The following DCDC2B variants were observed in gnomAD, a reference collection of about 807,000 sequenced individuals.
DCDC2B encodes doublecortin domain containing 2B.
A neutral mutation model predicts 38.9 loss-of-function variants in DCDC2B; 41 were observed. That is an observed-to-expected ratio of 1.05 (90% CI 0.82 to 1.37). DCDC2B has a LOEUF of 1.37. Among genes scored for constraint, DCDC2B ranks in the 40% most tolerant of loss-of-function variants. The pLI is 0.00. For synonymous variants in DCDC2B, 181 were observed against 171.9 expected, an observed-to-expected ratio of 1.05 and a Z score of -0.41; for missense variants, 453 against 427.2, an observed-to-expected ratio of 1.06 and a Z score of -0.53.
chr1:32,211,429 TCCAGG>T lies in DCDC2B; in HGVS notation c.318+107_318+111del. ...CAGGGAAGCAGCAGGATCTGCCAGT[TCCAGG>T]GGGGTACTTTGGAGCCAGCTACTAT... On this transcript the variant is annotated intron_variant, in intron 2 of 8. Transcript: ENST00000409358. The T allele has an allele frequency of 4.3e-6, 5 of 1,153,202 alleles. No individual in the cohort carries two copies. The South Asian group carries it at 6.7e-5, about 15-fold the overall frequency. 71.4% of individuals were successfully genotyped at this position (1,153,202 alleles called of 1,614,324 possible). A position where few individuals can be genotyped will look rare whatever the true frequency, so the allele number is the denominator to read the frequency against.
In DCDC2B at chr1:32,212,661, TA is replaced by T. The variant is rs768420946; in HGVS notation, c.674+27del. 1.4e-5 allele frequency: 22 copies of T among 1,611,672 alleles called. No individual in the cohort carries two copies. The African/African-American group carries it at 3.0e-4, about 22-fold the overall frequency. On this transcript the variant is annotated intron_variant, in intron 5 of 8. Coordinates refer to ENST00000409358, the MANE Select transcript of DCDC2B (RefSeq NM_001099434.2). ...GGTATGTATGTGGGAGGTGGAGCGG[TA>T]ACAGGCCGGGCAGAGGAAGCCACCC...
intron 6 of DCDC2B, 27 bp downstream of exon 6, chr1:32,212,820 G>T: frequency 6.2e-7 from 1 of 1,612,088 alleles, no homozygotes; most frequent in Non-Finnish European, 8.5e-7. Context: ...ACAATGAGGG[G>T]TGGGAAGAAG....
intron 1 of DCDC2B, among the ~76,000 whole-genome samples, chr1:32,209,834 T>C (rs952560927): frequency 4.6e-5 from 7 of 152,168 alleles, no homozygotes; most frequent in African/African-American, 1.7e-4. Context: ...CTCTGACTCA[T>C]GTCTGGCTTC....
At chr1:32,211,920 C>T in intron 3 of DCDC2B, 83 bp downstream of exon 3, 2 of 1,542,532 alleles carry the variant, frequency 1.3e-6, no homozygotes, top group East Asian at 2.4e-5. Flanking sequence ...GTTCTAGGAG[C>T]CTCTGGTTAC....
chr1:32,211,323 A>C lies in DCDC2B; in HGVS notation c.318A>C (p.Gln106His). Residue 106 changes from glutamine (Q) to histidine (H), a missense_variant and splice_region_variant, in exon 2 of 9, where the codon CAA becomes CAC. Coordinates refer to ENST00000409358, the MANE Select transcript of DCDC2B (RefSeq NM_001099434.2). ...KDPGGKSCRL[Q>H]GPPVTRHLCD... ...CAGGTGGGAAGAGCTGCAGACTACA[A>C]GTGAGTCCCGGGGAACCTGTGCCCC... The C allele has an allele frequency of 2.5e-6, 4 of 1,613,798 alleles. No homozygotes were observed. The highest frequency in any genetic ancestry group is 3.4e-6 in the Non-Finnish European group (4 of 1,179,834).
At chr1:32,209,964 G>A (rs528017263) in intron 1 of DCDC2B, among the ~76,000 whole-genome samples, 16 of 152,292 alleles carry the variant, frequency 1.1e-4, no homozygotes, top group African/African-American at 3.1e-4. Context: ...AGGCCAAGGC[G>A]GGTGGATCAC....
At chr1:32,211,126 A>G (rs1643566654) in intron 1 of DCDC2B, 146 bp from the exon 2 acceptor site, 5 of 783,712 alleles carry the variant, frequency 6.4e-6, no homozygotes, top group Non-Finnish European at 1.1e-5. Context: ...TCAGCTGCCA[A>G]TATCTTGTTT....
chr1:32,213,753 GC>G (rs776126976), intron 6 of DCDC2B, among the ~76,000 whole-genome samples: 421 of 150,792 alleles, frequency 2.8e-3, no homozygotes, highest in Non-Finnish European at 4.9e-3. Flanking sequence ...CTCGTGATCA[GC>G]CCACCTCAGC....
intron 4 of DCDC2B, 53 bp downstream of exon 4, chr1:32,212,254 T>A: frequency 6.3e-7 from 1 of 1,594,702 alleles, no homozygotes; most frequent in Non-Finnish European, 8.6e-7. Context: ...GCCTCGCCAC[T>A]GGCTTCAGCT....
chr1:32,212,174 T>TCAAGTTG lies in DCDC2B; in HGVS notation c.503_509dup (p.Ser171ValfsTer36). On this transcript the variant is annotated frameshift_variant, in exon 4 of 9. Transcript: ENST00000409358. LOFTEE classifies it high-confidence loss of function. ...GTGTTGAAGCTCCTGACTGAGAAGGTCAAGTTGCAGAGTGGGGCTGTGTGC... is the reference window on the plus strand; with the variant it reads ...GTGTTGAAGCTCCTGACTGAGAAGGTCAAGTTGCAAGTTGCAGAGTGGGGCTGTGTGC... 6.2e-7 allele frequency: 1 copy of TCAAGTTG among 1,613,612 alleles called. No individual in the cohort carries two copies. Among genetic ancestry groups the TCAAGTTG allele is most frequent in the Admixed American group, 1.7e-5 (1 of 60,012 alleles).
In DCDC2B at chr1:32,211,289, G is replaced by A. The variant is rs892898819; in HGVS notation, c.284G>A (p.Gly95Glu). 3 of 1,613,912 alleles carry A rather than the reference G, an allele frequency of 1.9e-6. No individual in the cohort carries two copies. The highest frequency in any genetic ancestry group is 8.5e-7 in the Non-Finnish European group (1 of 1,179,876). ...FHKLHYLPHR[G>E]KDPGGKSCRL... ...CCTTTCAGCTATTTACCCCATAGAG[G>A]GAAGGACCCAGGTGGGAAGAGCTGC... The change falls in exon 2 of 9, where the codon GGG becomes GAG. Residue 95 changes from glycine (G) to glutamate (E), a missense_variant. By Grantham distance (98) the Gly-to-Glu change is moderately conservative (BLOSUM62 -2). Transcript: ENST00000409358.
intron 7 of DCDC2B, 77 bp downstream of exon 7, chr1:32,215,009 G>C (rs996595550): frequency 1.3e-6 from 2 of 1,573,286 alleles, no homozygotes; most frequent in African/African-American, 2.7e-5. Flanking sequence ...CTGTTGTTGG[G>C]GATGTCCATG....
intron 6 of DCDC2B, among the ~76,000 whole-genome samples, chr1:32,213,096 C>T (rs1203712448): frequency 6.6e-6 from 1 of 152,110 alleles, no homozygotes; most frequent in East Asian, 1.9e-4. Flanking sequence ...TGGGGTTTCA[C>T]CATGTTGGCC....
chr1:32,212,761 C>T lies in DCDC2B; in HGVS notation c.682C>T (p.Pro228Ser). ...PSLPRGCWQP[P>S]GSKSRPHRQG... ...TTCCTTTTGTCATTGTAGGCAACCT[C>T]CAGGCTCGAAGTCTAGGCCCCACAG... The change falls in exon 6 of 9, where the codon CCA becomes TCA. Residue 228 changes from proline to serine, a missense_variant. Pro to Ser is a moderately conservative substitution (Grantham distance 74). Transcript: ENST00000409358. 1.2e-6 allele frequency: 2 copies of T among 1,613,936 alleles called. No homozygotes were observed. Among genetic ancestry groups the T allele is most frequent in the African/African-American group, 1.3e-5 (1 of 75,044 alleles).
In DCDC2B at chr1:32,214,785, T is replaced by A; in HGVS notation, c.715-12T>A. On this transcript the variant is annotated splice_polypyrimidine_tract_variant and intron_variant, in intron 6 of 8. Coordinates refer to ENST00000409358, the MANE Select transcript of DCDC2B (RefSeq NM_001099434.2). The stretch of plus-strand genomic sequence containing the variant: ...CAGCAATCAGGGTCCAAGCCCAGTG[T>A]CCCTTCTCTAGGCCCAAGGCCACAG... The A allele has an allele frequency of 6.2e-7, 1 of 1,613,824 alleles. No homozygotes were observed. The highest frequency in any genetic ancestry group is 1.1e-5 in the South Asian group (1 of 91,078).
At position 32,216,042 on chromosome 1, in the gene DCDC2B, T is replaced by G; in HGVS notation, c.*145T>G. The G allele has an allele frequency of 2.6e-6, 2 of 776,666 alleles. No homozygotes were observed. Among genetic ancestry groups the G allele is most frequent in the Non-Finnish European group, 4.2e-6 (2 of 475,466 alleles). The allele number at this position is 776,666 out of a possible 1,614,324, so 48.1% of individuals were successfully genotyped here. ...GCCTCCTCAGCCCTCCCCGTTCTCC[T>G]GCTCCTAAACCCACAGCCCAGCCTT... On this transcript the variant is annotated 3_prime_UTR_variant, in exon 9 of 9. Coordinates refer to ENST00000409358, the MANE Select transcript of DCDC2B (RefSeq NM_001099434.2).
rs1643616405 is a variant in DCDC2B at position 32,212,217 on chromosome 1, G to A, written c.527+16G>A. The stretch of plus-strand genomic sequence containing the variant: ...CTGTGTGCAAGTGAGTATGGGGACT[G>A]CGAGGGCCCAAAAGTCCCCAAAGAG... On this transcript the variant is annotated intron_variant, in intron 4 of 8. Coordinates refer to ENST00000409358, the MANE Select transcript of DCDC2B (RefSeq NM_001099434.2). 1 of 1,608,930 alleles carries A rather than the reference G, an allele frequency of 6.2e-7. No individual in the cohort carries two copies. Among genetic ancestry groups the A allele is most frequent in the Non-Finnish European group, 8.5e-7 (1 of 1,176,886 alleles).
rs373286927 is a variant in DCDC2B at position 32,215,926 on chromosome 1, G to T, written c.*29G>T. The T allele has an allele frequency of 1.7e-5, 26 of 1,522,476 alleles. No homozygotes were observed. In the African/African-American group the frequency reaches 2.8e-4, roughly 16 times the overall value. 94.3% of individuals were successfully genotyped at this position (1,522,476 alleles called of 1,614,324 possible). A position where few individuals can be genotyped will look rare whatever the true frequency, so the allele number is the denominator to read the frequency against. Reference sequence around the variant, plus strand: ...CCAGCAGCTCCAGAGGGCAACTGGGGACCACTACTCTGGCCACCTTTTGTC... The same window carrying T: ...CCAGCAGCTCCAGAGGGCAACTGGGTACCACTACTCTGGCCACCTTTTGTC... On this transcript the variant is annotated 3_prime_UTR_variant, in exon 9 of 9. Transcript: ENST00000409358.
intron 1 of DCDC2B, 53 bp from the exon 2 acceptor site, chr1:32,211,219 C>A: frequency 1.3e-6 from 2 of 1,541,016 alleles, no homozygotes; most frequent in South Asian, 1.1e-5. Flanking sequence ...ATCTGCCAGG[C>A]TATTGAGGCC....
Sources: allele counts gnomAD v4.1 joint callset (sites outside exome capture counted in the v4.1 genomes callset), GRCh38; gene constraint gnomAD v4.1.1; transcripts MANE v1.5; gene names NCBI Gene and HGNC (gene_info 2026-07-23, HGNC 2026-07-21).